FNIP2: variants seen among roughly 807,000 people sequenced by gnomAD.
FNIP2 encodes the protein folliculin interacting protein 2, also known as folliculin-interacting protein 2.
A neutral mutation model predicts 108.7 loss-of-function variants in FNIP2; 32 were observed. That is an observed-to-expected ratio of 0.29 (90% CI 0.22 to 0.40). The LOEUF is 0.40. Among genes scored for constraint, FNIP2 ranks in the 10% least tolerant of loss-of-function variants. The pLI, the probability that FNIP2 is intolerant of heterozygous loss-of-function variation, is 1.00. For missense variants in FNIP2, 1,202 were observed against 1,381.6 expected, an observed-to-expected ratio of 0.87 and a Z score of 2.06; for synonymous variants, 480 against 496.7, an observed-to-expected ratio of 0.97 and a Z score of 0.45.
intron 1 of FNIP2, among the ~76,000 whole-genome samples, chr4:158,819,801 A>G (rs1051901966): frequency 1.3e-5 from 2 of 152,192 alleles, no homozygotes; most frequent in African/African-American, 4.8e-5. Flanking sequence ...ATTTATTTTC[A>G]GGGTGTAACT....
chr4:158,851,617 A>G (rs535981053), intron 8 of FNIP2, among the ~76,000 whole-genome samples, 167 bp downstream of exon 8: 1 of 152,370 alleles, frequency 6.6e-6, no homozygotes, highest in East Asian at 1.9e-4. Context: ...AAAGGGAAGA[A>G]TAAATAAAAG....
At chr4:158,880,366 T>C (rs1291849632) in intron 14 of FNIP2, among the ~76,000 whole-genome samples, 2 of 151,914 alleles carry the variant, frequency 1.3e-5, no homozygotes, top group African/African-American at 4.8e-5. Flanking sequence ...CACCGCATGC[T>C]CACTCATAGG....
intron 16 of FNIP2, among the ~76,000 whole-genome samples, chr4:158,901,251 G>C (rs1729236640): frequency 6.7e-6 from 1 of 150,354 alleles, no homozygotes; most frequent in Non-Finnish European, 1.5e-5. Flanking sequence ...CTCTGCCTCA[G>C]CGTCCAGAGT....
chr4:158,782,921 A>G (rs1392079388), intron 1 of FNIP2, among the ~76,000 whole-genome samples: 1 of 152,232 alleles, frequency 6.6e-6, no homozygotes, highest in Non-Finnish European at 1.5e-5. Context: ...GTTAAAAAGC[A>G]GTCTAGTTCC....
chr4:158,834,321 T>TCTCTCTCTCC (rs1560787944), intron 6 of FNIP2: 2 of 150,322 alleles, frequency 1.3e-5, no homozygotes, highest in African/African-American at 5.0e-5. Flanking sequence ...TCTCTCTCTC[T>TCTCTCTCTCC]CTCTCTCTCC....
chr4:158,854,928 C>G (rs572363247), intron 8 of FNIP2, among the ~76,000 whole-genome samples: 1 of 152,242 alleles, frequency 6.6e-6, no homozygotes, highest in East Asian at 1.9e-4. Flanking sequence ...CCAGCACTTA[C>G]AAAGGTGGGA....
intron 7 of FNIP2, among the ~76,000 whole-genome samples, chr4:158,841,425 C>G (rs946815763): frequency 6.6e-6 from 1 of 152,164 alleles, no homozygotes; most frequent in Non-Finnish European, 1.5e-5. Flanking sequence ...AAGTCAGGTT[C>G]TTTATTACAG....
intron 1 of FNIP2, among the ~76,000 whole-genome samples, chr4:158,795,649 C>G (rs1014941388): frequency 3.9e-5 from 6 of 152,326 alleles, no homozygotes; most frequent in East Asian, 1.9e-4. Context: ...TCCCCAACTC[C>G]TAAGCCACAG....
intron 2 of FNIP2, 81 bp downstream of exon 2, chr4:158,826,123 C>A: frequency 6.6e-7 from 1 of 1,506,402 alleles, no homozygotes; most frequent in South Asian, 1.2e-5. Flanking sequence ...AATCTATCAT[C>A]TTCTCTTTGA....
intron 12 of FNIP2, among the ~76,000 whole-genome samples, chr4:158,863,547 G>A (rs950974702): frequency 1.3e-5 from 2 of 152,160 alleles, no homozygotes; most frequent in Admixed American, 6.5e-5. Flanking sequence ...TCAGGAGCTC[G>A]GTGATCCTTG....
intron 16 of FNIP2, 78 bp from the exon 17 acceptor site, chr4:158,904,388 T>C: frequency 7.6e-7 from 1 of 1,308,300 alleles, no homozygotes; most frequent in Non-Finnish European, 1.1e-6. Context: ...AATAATACTT[T>C]CTCATAAAAA....
Position 158,829,231 on chromosome 4 carries a change from A to G in FNIP2, c.381+6A>G. The G allele has an allele frequency of 1.2e-6, 2 of 1,601,314 alleles. No individual in the cohort carries two copies. Among genetic ancestry groups the G allele is most frequent in the African/African-American group, 1.3e-5 (1 of 74,640 alleles). ...AACAGCTTCCAAAGTACCAGGTACAACCATCCCTTCTGTGGGAATAGCCCC... is the reference window on the plus strand; with the variant it reads ...AACAGCTTCCAAAGTACCAGGTACAGCCATCCCTTCTGTGGGAATAGCCCC... On this transcript the variant is annotated splice_donor_region_variant and intron_variant, in intron 3 of 16. Transcript: ENST00000264433.
chr4:158,808,887 G>T (rs1051171832), intron 1 of FNIP2, among the ~76,000 whole-genome samples: 2 of 152,130 alleles, frequency 1.3e-5, no homozygotes, highest in African/African-American at 2.4e-5. Flanking sequence ...GAATCACGTT[G>T]TATTATGTGA....
intron 7 of FNIP2, among the ~76,000 whole-genome samples, chr4:158,849,868 G>A (rs1052273102): frequency 2.0e-5 from 3 of 151,396 alleles, no homozygotes; most frequent in South Asian, 2.1e-4. Context: ...TCAAGGCACC[G>A]TTATGGGTAC....
intron 7 of FNIP2, among the ~76,000 whole-genome samples, chr4:158,843,386 A>G (rs1053155374): frequency 2.0e-5 from 3 of 152,206 alleles, no homozygotes; most frequent in Non-Finnish European, 4.4e-5. Flanking sequence ...TCCTGCACAT[A>G]CTGTTTGCTC....
Position 158,833,533 on chromosome 4 carries a change from A to G in FNIP2, c.560A>G (p.Gln187Arg), listed in dbSNP as rs1199968612. The change falls in exon 6 of 17, where the codon CAA (glutamine) becomes CGA (arginine). Residue 187 changes from glutamine to arginine, a missense_variant. Physicochemically the swap from Gln to Arg is conservative, Grantham distance 43. Around this residue, in one of 5 missense-constraint regions of FNIP2, gnomAD observed 878 missense variants for 990.3 expected, o/e 0.89. Coordinates refer to ENST00000264433, the MANE Select transcript of FNIP2 (RefSeq NM_020840.3). ...GSFCGSTNNL[Q>R]DSFEYINQDP... The stretch of plus-strand genomic sequence containing the variant: ...CCCCCCATCTCCGGATATAGCTTGC[A>G]AGACAGCTTTGAGTACATCAACCAA... 1 of 1,589,450 alleles carries G rather than the reference A, an allele frequency of 6.3e-7. No individual in the cohort carries two copies. The highest frequency in any genetic ancestry group is 1.2e-5 in the South Asian group (1 of 85,838).
At chr4:158,872,802 A>G in intron 14 of FNIP2, 9 of 949,232 alleles carry the variant, frequency 9.5e-6, no homozygotes, top group Non-Finnish European at 1.1e-5. Flanking sequence ...GTTGAAAAAT[A>G]TTTTAGGAGT....
At chr4:158,859,715 C>A in intron 10 of FNIP2, 49 bp downstream of exon 10, 1 of 1,446,864 alleles carries the variant, frequency 6.9e-7, no homozygotes, top group Non-Finnish European at 9.6e-7. Context: ...TTATGAGCAG[C>A]CATGGATAAA....
At chr4:158,814,376 C>G (rs997762529) in intron 1 of FNIP2, among the ~76,000 whole-genome samples, 6 of 152,214 alleles carry the variant, frequency 3.9e-5, no homozygotes, top group African/African-American at 1.2e-4. Context: ...CAGACTCTCA[C>G]AGGACATTTG....
Sources: gnomAD v4.1 joint callset for allele counts (sites outside exome capture counted in the v4.1 genomes callset) on GRCh38, gnomAD v4.1.1 for gene constraint, gnomAD v4.1.1 regional missense constraint, MANE v1.5 for transcripts, NCBI Gene and HGNC (gene_info 2026-07-23, HGNC 2026-07-21) for gene names.